Variants in KNDC1 observed in about 807,000 individuals in gnomAD.
KNDC1 encodes kinase non-catalytic C-lobe domain-containing protein 1.
In KNDC1, 106 loss-of-function variants were observed where a neutral mutation model predicts 172.8. The observed-to-expected ratio is 0.61, with a 90% confidence interval of 0.52 to 0.72. The LOEUF (loss-of-function observed/expected upper bound fraction) is 0.72, where lower values mean the gene tolerates loss of function less well. KNDC1 is among the 30% of genes least tolerant of loss of function. The pLI is 0.00. For synonymous variants in KNDC1, 1,083 were observed against 1,062.2 expected (o/e 1.02, Z -0.38); for missense variants, 2,325 against 2,394.5 (o/e 0.97, Z 0.61).
intron 10 of KNDC1, among the ~76,000 whole-genome samples, chr10:133,196,749 C>T (rs960089426): frequency 8.5e-5 from 13 of 152,140 alleles, no homozygotes; most frequent in Non-Finnish European, 1.8e-4. Flanking sequence ...GGGCAGGGAG[C>T]GTGGGGCTCA....
At chr10:133,188,494 T>C (rs1382553978) in intron 6 of KNDC1, 45 bp from the exon 7 acceptor site, 1 of 1,334,458 alleles carries the variant, frequency 7.5e-7, no homozygotes, top group Admixed American at 2.0e-5. Flanking sequence ...CGGCGGGCCC[T>C]GGCAAGGGGT....
At chr10:133,177,205 ATAGTGT>A (rs1237602020) in intron 3 of KNDC1, among the ~76,000 whole-genome samples, 2 of 79,860 alleles carry the variant, frequency 2.5e-5, no homozygotes, top group Non-Finnish European at 6.7e-5. Context: ...TGTATGTAGT[ATAGTGT>A]GTGTGTGCAT....
Position 133,167,381 on chromosome 10 carries a change from G to C in KNDC1, c.103G>C (p.Glu35Gln). ...EPLPTLPEDE[E>Q]NVSLADILSL... ...TCACGGCCAGGGCCGGTCTTGGCAG[G>C]AGAACGTGTCTCTGGCTGACATCCT... The change falls in exon 2 of 30, where the codon GAG becomes CAG. Residue 35 changes from glutamate to glutamine, a missense_variant and splice_region_variant. Coordinates refer to ENST00000304613, the MANE Select transcript of KNDC1 (RefSeq NM_152643.8). 6.3e-7 allele frequency: 1 copy of C among 1,579,198 alleles called. No individual in the cohort carries two copies. Among genetic ancestry groups the C allele is most frequent in the Non-Finnish European group, 8.6e-7 (1 of 1,164,064 alleles).
chr10:133,186,936 G>T (rs915417538), intron 6 of KNDC1, among the ~76,000 whole-genome samples: 1 of 152,126 alleles, frequency 6.6e-6, no homozygotes, highest in Non-Finnish European at 1.5e-5. Context: ...CCTCAGCCCT[G>T]CCCGGCTCCT....
chr10:133,205,657 T>C (rs1242347888), intron 17 of KNDC1, among the ~76,000 whole-genome samples: 16 of 152,198 alleles, frequency 1.1e-4, no homozygotes, highest in Admixed American at 1.0e-3. Context: ...ATCCGCATCA[T>C]TGGGCTTCTT....
intron 3 of KNDC1, among the ~76,000 whole-genome samples, chr10:133,177,468 C>T (rs944556545): frequency 5.3e-5 from 8 of 151,916 alleles, no homozygotes; most frequent in African/African-American, 7.3e-5. Flanking sequence ...TACATGTATG[C>T]CATGTGTGCA....
In KNDC1 at chr10:133,209,156, C is replaced by T. The variant is rs760780516; in HGVS notation, c.3795-1455C>T. 6.1e-5 allele frequency among the ~76,000 whole-genome samples: 9 copies of T among 146,764 alleles called. No homozygotes were observed. The highest frequency in any genetic ancestry group is 1.0e-4 in the Non-Finnish European group (7 of 66,782). Reference sequence around the variant, plus strand: ...GTGTGTGGTGTGTGGTTGGGTATTGCGTGGCAGGTGTGCATGTGTGTATGG... The same window carrying T: ...GTGTGTGGTGTGTGGTTGGGTATTGTGTGGCAGGTGTGCATGTGTGTATGG... On this transcript the variant is annotated intron_variant, in intron 20 of 29. Transcript: ENST00000304613. The surrounding 1 kb of genome is among the most constrained non-coding windows in gnomAD (Gnocchi z 4.9).
rs1468132384 is a variant in KNDC1 at position 133,209,318 on chromosome 10, G to A, written c.3795-1293G>A. Among the ~76,000 whole-genome samples, 1 of 151,292 alleles carries A rather than the reference G, an allele frequency of 6.6e-6. No individual in the cohort carries two copies. Among genetic ancestry groups the A allele is most frequent in the Admixed American group, 6.6e-5 (1 of 15,194 alleles). ...GTGTGTGGTGTGGGGTACAGTGTGT[G>A]TGTGCACGTGTGTGCTGTGCGGTGT... On this transcript the variant is annotated intron_variant, in intron 20 of 29. Transcript: ENST00000304613. The surrounding 1 kb of genome is among the most constrained non-coding windows in gnomAD (Gnocchi z 4.9).
rs1441226210 is a variant in KNDC1, at chr10:133,206,762, G to A, written c.3465G>A (p.Lys1155=). Residue 1155 remains lysine, a synonymous_variant, in exon 18 of 30, where the codon AAG becomes AAA. Coordinates refer to ENST00000304613, the MANE Select transcript of KNDC1 (RefSeq NM_152643.8). ...TLKFYQKLLQ[K]EKRNKGSDVK... ...AGTTCTACCAGAAACTCTTACAGAA[G>A]GAAAAGAGGAACAAAGGTAAGGCCC... 6.2e-7 allele frequency: 1 copy of A among 1,614,122 alleles called. No individual in the cohort carries two copies. Among genetic ancestry groups the A allele is most frequent in the Non-Finnish European group, 8.5e-7 (1 of 1,180,030 alleles).
intron 9 of KNDC1, among the ~76,000 whole-genome samples, chr10:133,193,283 G>C (rs1273928032): frequency 1.1e-4 from 17 of 152,224 alleles, no homozygotes. Flanking sequence ...CCAACACTTT[G>C]GGAGGCTGAG....
chr10:133,219,289 T>G (rs1320868049), intron 28 of KNDC1, among the ~76,000 whole-genome samples, 199 bp downstream of exon 28: 1 of 152,254 alleles, frequency 6.6e-6, no homozygotes, highest in Non-Finnish European at 1.5e-5. Context: ...GTGTCCCACC[T>G]GCTCGGTCCC....
chr10:133,161,943 G>A (rs1397868726), intron 1 of KNDC1, among the ~76,000 whole-genome samples: 2 of 152,008 alleles, frequency 1.3e-5, no homozygotes, highest in East Asian at 3.9e-4. Context: ...AGCCCACTTG[G>A]AGCCACAGGC....
At chr10:133,193,949 A>T (rs1782167605) in intron 9 of KNDC1, among the ~76,000 whole-genome samples, 2 of 152,226 alleles carry the variant, frequency 1.3e-5, no homozygotes, top group African/African-American at 4.8e-5. Context: ...ATTAATAGAG[A>T]CACAGATGAA....
At chr10:133,190,231 A>G (rs1854039881) in intron 9 of KNDC1, among the ~76,000 whole-genome samples, 1 of 152,174 alleles carries the variant, frequency 6.6e-6, no homozygotes, top group Admixed American at 6.5e-5. Flanking sequence ...GAGGAAGAGC[A>G]CTAAGTACCC....
At position 133,160,360 on chromosome 10, in the gene KNDC1, G is replaced by T. The variant is rs1448837526; in HGVS notation, c.-108G>T. 7.3e-6 allele frequency: 3 copies of T among 412,180 alleles called. No homozygotes were observed. The highest frequency in any genetic ancestry group is 2.1e-5 in the African/African-American group (1 of 46,654). 25.5% of individuals were successfully genotyped at this position (412,180 alleles called of 1,614,324 possible). A position where few individuals can be genotyped will look rare whatever the true frequency, so the allele number is the denominator to read the frequency against. ...GACACTGCGGCAGCGGCGGGCGGGC[G>T]GGGGCGGGCGAGGGCCGGGCGCGTC... is the stretch of plus-strand genomic sequence containing the variant. On this transcript the variant is annotated 5_prime_UTR_variant, in exon 1 of 30. Transcript: ENST00000304613.
chr10:133,167,355 C>T, intron 1 of KNDC1, 26 bp from the exon 2 acceptor site: 1 of 1,542,854 alleles, frequency 6.5e-7, no homozygotes. Flanking sequence ...TCCTGCCGGG[C>T]TCACGGCCAG....
intron 23 of KNDC1, 110 bp from the exon 24 acceptor site, chr10:133,212,606 T>TA (rs1013259365): frequency 2.3e-6 from 2 of 859,470 alleles, no homozygotes; most frequent in African/African-American, 3.4e-5. Flanking sequence ...GTCTGAGGAG[T>TA]ACTGGGCTTG....
chr10:133,211,869 T>G lies in KNDC1; in HGVS notation c.4236+11T>G. On this transcript the variant is annotated intron_variant, in intron 23 of 29. Transcript: ENST00000304613. ...GGCATCTCCAGGAAGGTGGGGTCCT[T>G]TCTCAGGGGAGGTCCTCCCTGGACA... is the stretch of plus-strand genomic sequence containing the variant. 6.2e-7 allele frequency: 1 copy of G among 1,600,058 alleles called. No individual in the cohort carries two copies. Among genetic ancestry groups the G allele is most frequent in the Non-Finnish European group, 8.5e-7 (1 of 1,177,168 alleles).
intron 3 of KNDC1, among the ~76,000 whole-genome samples, 172 bp from the exon 4 acceptor site, chr10:133,183,172 C>T (rs934116337): frequency 2.7e-5 from 4 of 148,020 alleles, no homozygotes; most frequent in East Asian, 2.1e-4. Flanking sequence ...AGGGTGCCAG[C>T]GGCGTGGGCG....
Sources: allele counts gnomAD v4.1 joint callset (sites outside exome capture counted in the v4.1 genomes callset), GRCh38; gene constraint gnomAD v4.1.1; non-coding constraint Gnocchi (gnomAD v3.1); transcripts MANE v1.5; gene names NCBI Gene and HGNC (gene_info 2026-07-23, HGNC 2026-07-21).